KDM7A: variants seen among roughly 807,000 people sequenced by gnomAD.
The protein encoded by KDM7A is lysine demethylase 7A, also known as lysine-specific demethylase 7A.
KDM7A carries 28 observed loss-of-function variants against 114.8 expected under a neutral mutation model. The observed-to-expected ratio is 0.24, with a 90% confidence interval of 0.18 to 0.33. The LOEUF is 0.33. KDM7A is among the 10% of genes least tolerant of loss of function. KDM7A has a pLI of 1.00. For synonymous variants in KDM7A, 423 were observed against 397.8 expected, an observed-to-expected ratio of 1.06 and a Z score of -0.75; for missense variants, 942 against 1,142.5, an observed-to-expected ratio of 0.82 and a Z score of 2.53.
chr7:140,146,025 C>T (rs1794336685), intron 1 of KDM7A, among the ~76,000 whole-genome samples: 1 of 152,168 alleles, frequency 6.6e-6, no homozygotes. Flanking sequence ...CATCCCACCT[C>T]ACCCCATATA....
chr7:140,135,423 G>A (rs187059086), intron 2 of KDM7A, among the ~76,000 whole-genome samples: 1 of 151,964 alleles, frequency 6.6e-6, no homozygotes, highest in South Asian at 2.1e-4. Flanking sequence ...GGATGGTCTC[G>A]ATCTCCTGAC....
At chr7:140,095,605 T>C (rs1818094460) in intron 17 of KDM7A, 2 of 269,554 alleles carry the variant, frequency 7.4e-6, no homozygotes, top group African/African-American at 2.3e-5. Context: ...TAACCAGGCA[T>C]GGTGGCTCAC....
At chr7:140,170,126 T>C (rs2116859783) in intron 1 of KDM7A, among the ~76,000 whole-genome samples, 1 of 152,278 alleles carries the variant, frequency 6.6e-6, no homozygotes, top group Non-Finnish European at 1.5e-5. Flanking sequence ...ATTTGTAAAA[T>C]ATTTCCTATC....
intron 11 of KDM7A, among the ~76,000 whole-genome samples, chr7:140,104,422 G>C (rs1818291783): frequency 6.6e-6 from 1 of 152,148 alleles, no homozygotes. Flanking sequence ...TTTTCTTCTA[G>C]GGTTTTTATG....
chr7:140,108,276 G>A (rs1291870578), intron 11 of KDM7A, among the ~76,000 whole-genome samples: 1 of 152,076 alleles, frequency 6.6e-6, no homozygotes, highest in Admixed American at 6.6e-5. Flanking sequence ...GCCTACTTCT[G>A]TCAACTTGTC....
At chr7:140,091,644 T>A (rs965393539) in intron 19 of KDM7A, among the ~76,000 whole-genome samples, 160 bp downstream of exon 19, 1 of 152,192 alleles carries the variant, frequency 6.6e-6, no homozygotes, top group Non-Finnish European at 1.5e-5. Context: ...GGTATCCTTT[T>A]TCTTTGTTCC....
intron 2 of KDM7A, 84 bp from the exon 3 acceptor site, chr7:140,133,740 A>C: frequency 1.4e-6 from 1 of 732,880 alleles, no homozygotes; most frequent in Non-Finnish European, 2.3e-6. Flanking sequence ...CGACATAATC[A>C]GAAATAACAA....
intron 1 of KDM7A, among the ~76,000 whole-genome samples, chr7:140,141,206 TATTA>T (rs1281999935): frequency 3.3e-5 from 5 of 152,320 alleles, no homozygotes; most frequent in African/African-American, 4.8e-5. Flanking sequence ...AATGTAAAGA[TATTA>T]ATTAATTCTC....
chr7:140,096,090 T>G (rs1267485484), intron 17 of KDM7A, among the ~76,000 whole-genome samples: 1 of 152,186 alleles, frequency 6.6e-6, no homozygotes, highest in Non-Finnish European at 1.5e-5. Context: ...CTATGTGGCA[T>G]GCCTAACACT....
In KDM7A at chr7:140,097,635, A is replaced by G. The variant is rs762957980; in HGVS notation, c.1926T>C (p.Phe642=). 7 of 1,560,688 alleles carry G rather than the reference A, an allele frequency of 4.5e-6. No individual in the cohort carries two copies. The highest frequency in any genetic ancestry group is 6.2e-6 in the Non-Finnish European group (7 of 1,132,768). ...EESQKPLNGF[F]TRVKSELRSR... is the part of the protein sequence containing the mutation. ...TCCTGAGTTCTGATTTCACACGTGT[A>G]AAAAACCCTGAAAAAGAATGAAAGG... Residue 642 remains phenylalanine, a synonymous_variant, in exon 15 of 20, where the codon TTT becomes TTC. Transcript: ENST00000397560.
At chr7:140,158,745 A>T (rs550723051) in intron 1 of KDM7A, among the ~76,000 whole-genome samples, 125 of 152,292 alleles carry the variant, frequency 8.2e-4, no homozygotes, top group South Asian at 5.8e-3. Flanking sequence ...ACTGAGAAGG[A>T]GGGGTAGCAA....
intron 1 of KDM7A, among the ~76,000 whole-genome samples, chr7:140,151,967 A>C (rs1015549287): frequency 6.6e-6 from 1 of 152,198 alleles, no homozygotes. Context: ...AATAGCAAAA[A>C]CATATATCTA....
At chr7:140,119,294 T>C (rs1818581331) in intron 8 of KDM7A, 75 bp from the exon 9 acceptor site, 5 of 775,960 alleles carry the variant, frequency 6.4e-6, no homozygotes, top group Non-Finnish European at 8.4e-6. Flanking sequence ...AACTGGAAAA[T>C]AAAATAACCA....
At chr7:140,149,996 C>T (rs1482398424) in intron 1 of KDM7A, among the ~76,000 whole-genome samples, 2 of 152,080 alleles carry the variant, frequency 1.3e-5, no homozygotes, top group Admixed American at 6.6e-5. Context: ...GTGAAAGTCG[C>T]GTAGAGAAAA....
At chr7:140,092,579 TAAG>T (rs1585135311) in intron 18 of KDM7A, among the ~76,000 whole-genome samples, 1 of 152,276 alleles carries the variant, frequency 6.6e-6, no homozygotes, top group East Asian at 1.9e-4. Flanking sequence ...TTCAGTCTCT[TAAG>T]ACTATCGAGT....
At chr7:140,123,823 T>C (rs1001646879) in intron 7 of KDM7A, among the ~76,000 whole-genome samples, 2 of 152,182 alleles carry the variant, frequency 1.3e-5, no homozygotes, top group Non-Finnish European at 2.9e-5. Flanking sequence ...GGCTCACGCC[T>C]GTAATCCCAG....
intron 1 of KDM7A, among the ~76,000 whole-genome samples, chr7:140,156,415 C>T (rs17161416): frequency 0.35 from 52,649 of 151,676 alleles, 9,372 homozygotes; most frequent in Middle Eastern, 0.43. Flanking sequence ...GCTTATTATC[C>T]TTCTTTTCAT....
intron 11 of KDM7A, among the ~76,000 whole-genome samples, chr7:140,108,839 C>G (rs1818386542): frequency 1.3e-5 from 2 of 152,202 alleles, no homozygotes; most frequent in African/African-American, 4.8e-5. Context: ...TTTCTGCTGC[C>G]TTTTGTTCAG....
intron 11 of KDM7A, among the ~76,000 whole-genome samples, chr7:140,103,266 C>T (rs1179966547): frequency 6.6e-6 from 1 of 151,804 alleles, no homozygotes; most frequent in Non-Finnish European, 1.5e-5. Context: ...AGCAAAATAT[C>T]TTCAAGGTTC....
Sources: gnomAD v4.1 joint callset for allele counts (sites outside exome capture counted in the v4.1 genomes callset) on GRCh38, gnomAD v4.1.1 for gene constraint, MANE v1.5 for transcripts, NCBI Gene and HGNC (gene_info 2026-07-23, HGNC 2026-07-21) for gene names.